The following HSD17B4 variants were observed in gnomAD, a reference collection of about 807,000 sequenced individuals.
The protein encoded by HSD17B4 is peroxisomal multifunctional enzyme type 2.
A neutral mutation model predicts 101.0 loss-of-function variants in HSD17B4; 70 were observed. The observed-to-expected ratio is 0.69, with a 90% confidence interval of 0.57 to 0.85. The LOEUF is 0.85. HSD17B4 is among the 40% of genes least tolerant of loss of function. The pLI is 0.00. For synonymous variants in HSD17B4, 347 were observed against 297.1 expected (o/e 1.17, Z -1.73); for missense variants, 984 against 892.4 (o/e 1.10, Z -1.31).
chr5:119,535,670 T>TTATATATATATA (rs138422180), intron 22 of HSD17B4: 1 of 145,628 alleles, frequency 6.9e-6, no homozygotes, highest in African/African-American at 2.5e-5. Context: ...AATATATATT[T>TTATATATATATA]TATATATATA....
intron 8 of HSD17B4, among the ~76,000 whole-genome samples, chr5:119,485,803 A>G (rs959635809): frequency 1.3e-5 from 2 of 152,220 alleles, no homozygotes; most frequent in Non-Finnish European, 2.9e-5. Context: ...TCCAGGAACT[A>G]ACTTTCCAAG....
chr5:119,471,594 C>A, intron 2 of HSD17B4: 2 of 822,016 alleles, frequency 2.4e-6, no homozygotes, highest in Non-Finnish European at 3.6e-6. Flanking sequence ...TCATGTATAC[C>A]ATTATGCTAT....
chr5:119,500,566 G>T (rs1233814262), intron 13 of HSD17B4, among the ~76,000 whole-genome samples: 1 of 152,028 alleles, frequency 6.6e-6, no homozygotes, highest in Non-Finnish European at 1.5e-5. Context: ...TTGAATATAT[G>T]AGTCTAGAGT....
At position 119,477,471 on chromosome 5, in the gene HSD17B4, G is replaced by A. The variant is rs1189674166; in HGVS notation, c.404G>A (p.Trp135Ter). The part of the protein sequence containing the change: ...RGSFQVTRAA[W>*]EHMKKQKYGR... ...TCATTCCAAGTGACACGGGCAGCAT[G>A]GGAACACATGAAGAAACAGAAGTAT... The change falls in exon 7 of 24, where the codon TGG (tryptophan) becomes TAG (stop). Residue 135 changes from tryptophan (W) to a stop codon, truncating the protein, a stop_gained. Coordinates refer to ENST00000510025, the MANE Select transcript of HSD17B4 (RefSeq NM_000414.4). LOFTEE classifies it high-confidence loss of function. 1 of 1,612,916 alleles carries A rather than the reference G, an allele frequency of 6.2e-7. No individual in the cohort carries two copies.
At chr5:119,519,735 A>G (rs972135217) in intron 17 of HSD17B4, among the ~76,000 whole-genome samples, 3 of 152,214 alleles carry the variant, frequency 2.0e-5, no homozygotes, top group Non-Finnish European at 4.4e-5. Flanking sequence ...TAAAGAACTC[A>G]TGTAAAGTCA....
At chr5:119,461,636 G>A (rs1296201353) in intron 2 of HSD17B4, among the ~76,000 whole-genome samples, 3 of 150,580 alleles carry the variant, frequency 2.0e-5, no homozygotes, top group African/African-American at 7.3e-5. Context: ...AATCCCAACA[G>A]TTTGGGAGGC....
At chr5:119,529,805 A>G (rs1176018598) in intron 20 of HSD17B4, 89 bp from the exon 21 acceptor site, 5 of 790,824 alleles carry the variant, frequency 6.3e-6, no homozygotes, top group South Asian at 5.9e-5. Flanking sequence ...AGGCAAAAAT[A>G]ATAAATTTTA....
Position 119,452,608 on chromosome 5 carries a change from G to T in HSD17B4, c.33G>T (p.Val11=), listed in dbSNP as rs753527768. The part of the protein sequence containing the change: MGSPLRFDGR[V]VLVTGAGAGL... Reference sequence around the variant, plus strand: ...CACCGCTGAGGTTCGACGGGCGGGTGGTACTGGTCACCGGCGCGGGGGCAG... The same window carrying T: ...CACCGCTGAGGTTCGACGGGCGGGTTGTACTGGTCACCGGCGCGGGGGCAG... The change falls in exon 1 of 24, where the codon GTG becomes GTT. Residue 11 remains valine (V), a synonymous_variant. Coordinates refer to ENST00000510025, the MANE Select transcript of HSD17B4 (RefSeq NM_000414.4). The T allele has an allele frequency of 2.5e-5, 40 of 1,613,886 alleles. No individual in the cohort carries two copies. Among genetic ancestry groups the T allele is most frequent in the Non-Finnish European group, 3.3e-5 (39 of 1,179,984 alleles).
At chr5:119,457,508 C>T (rs1333476893) in intron 2 of HSD17B4, among the ~76,000 whole-genome samples, 1 of 152,186 alleles carries the variant, frequency 6.6e-6, no homozygotes, top group East Asian at 1.9e-4. Context: ...ATCATAGGCA[C>T]TGTCTGCTAA....
At position 119,489,267 on chromosome 5, in the gene HSD17B4, A is replaced by G; in HGVS notation, c.698A>G (p.Asn233Ser). Residue 233 changes from asparagine (N) to serine (S), a missense_variant, in exon 9 of 24, where the codon AAT becomes AGT. By Grantham distance (46) the Asn-to-Ser change is conservative. Coordinates refer to ENST00000510025, the MANE Select transcript of HSD17B4 (RefSeq NM_000414.4). ...CTTTGTCACGAGAGTTGTGAGGAGA[A>G]TGGTGGCTTGTTTGAGGTATTTGCA... ...LWLCHESCEE[N>S]GGLFEVGAGW... The G allele has an allele frequency of 6.2e-7, 1 of 1,611,708 alleles. No homozygotes were observed. The highest frequency in any genetic ancestry group is 8.5e-7 in the Non-Finnish European group (1 of 1,178,070).
intron 23 of HSD17B4, among the ~76,000 whole-genome samples, chr5:119,539,431 A>T (rs1418037946): frequency 2.2e-5 from 2 of 89,798 alleles, no homozygotes; most frequent in African/African-American, 8.3e-5. Flanking sequence ...GGGACCTGTC[A>T]TGGGGTTGGG....
intron 17 of HSD17B4, among the ~76,000 whole-genome samples, chr5:119,525,014 C>G (rs1169684651): frequency 6.6e-6 from 1 of 151,912 alleles, no homozygotes; most frequent in Non-Finnish European, 1.5e-5. Flanking sequence ...TTTTTTCCCT[C>G]CCACTGATTT....
intron 22 of HSD17B4, among the ~76,000 whole-genome samples, chr5:119,532,937 T>C (rs1446265430): frequency 6.6e-6 from 1 of 152,148 alleles, no homozygotes; most frequent in Non-Finnish European, 1.5e-5. Context: ...TGTCTTTAAC[T>C]CAGCTAGTGT....
Position 119,506,886 on chromosome 5 carries a change from G to A in HSD17B4, c.1330G>A (p.Asp444Asn). The change falls in exon 15 of 24, where the codon GAT becomes AAT. Residue 444 changes from aspartate (D) to asparagine (N), a missense_variant. Transcript: ENST00000510025. Reference protein sequence around the residue: ...DKGSGVVIIMDVYSYSEKELI... With the variant: ...DKGSGVVIIMNVYSYSEKELI... ...AGGATCCGGTGTAGTGATTATTATG[G>A]ATGGTAATTTATTTACAATTCTTAT... 6.8e-7 allele frequency: 1 copy of A among 1,477,038 alleles called. No individual in the cohort carries two copies. The highest frequency in any genetic ancestry group is 2.3e-5 in the East Asian group (1 of 44,016). 91.5% of individuals were successfully genotyped at this position (1,477,038 alleles called of 1,614,324 possible).
At chr5:119,518,932 G>C (rs1349721270) in intron 17 of HSD17B4, among the ~76,000 whole-genome samples, 2 of 151,950 alleles carry the variant, frequency 1.3e-5, no homozygotes, top group African/African-American at 4.8e-5. Context: ...TCAGGAGTTT[G>C]AGACCAGCCT....
intron 8 of HSD17B4, among the ~76,000 whole-genome samples, chr5:119,483,328 A>G (rs910720499): frequency 3.3e-5 from 5 of 152,034 alleles, no homozygotes; most frequent in South Asian, 2.1e-4. Context: ...AGTTTTCCTG[A>G]TGGTGGTTTG....
intron 22 of HSD17B4, among the ~76,000 whole-genome samples, chr5:119,535,373 G>C (rs1028512996): frequency 6.6e-6 from 1 of 151,880 alleles, no homozygotes; most frequent in East Asian, 1.9e-4. Flanking sequence ...GAATTGATCA[G>C]GGTCCCATCT....
At chr5:119,524,544 A>G (rs556979917) in intron 17 of HSD17B4, among the ~76,000 whole-genome samples, 2 of 152,144 alleles carry the variant, frequency 1.3e-5, no homozygotes, top group African/African-American at 4.8e-5. Context: ...AGTGCTGGTA[A>G]GTGCTTTCTA....
At chr5:119,475,934 T>C in intron 6 of HSD17B4, 64 bp downstream of exon 6, 1 of 1,239,448 alleles carries the variant, frequency 8.1e-7, no homozygotes, top group Non-Finnish European at 1.2e-6. Context: ...TAGTATTTGA[T>C]AAATTTATAC....
Sources: allele counts gnomAD v4.1 joint callset (sites outside exome capture counted in the v4.1 genomes callset), GRCh38; gene constraint gnomAD v4.1.1; transcripts MANE v1.5; gene names NCBI Gene and HGNC (gene_info 2026-07-23, HGNC 2026-07-21).